PPFIBP1: variants seen among roughly 807,000 people sequenced by gnomAD.
The protein encoded by PPFIBP1 is liprin-beta-1.
Under a neutral mutation model 137.8 loss-of-function variants are expected in PPFIBP1, and 112 were observed. That is an observed-to-expected ratio of 0.81 (90% CI 0.70 to 0.95). The LOEUF is 0.95. Among genes scored for constraint, PPFIBP1 ranks in the 40% least tolerant of loss-of-function variants. PPFIBP1 has a pLI of 0.00. For missense variants in PPFIBP1, 1,083 were observed against 1,196.6 expected (o/e 0.91, Z 1.40); for synonymous variants, 378 against 417.3 (o/e 0.91, Z 1.15).
rs751994072 is a variant in PPFIBP1 at position 27,646,085 on chromosome 12, C to T, written c.294C>T (p.Asn98=). ...SQMTNGHLPG[N]GDVYQERLAR... ...AGACAAATGGACACCTACCAGGGAA[C>T]GGAGATGTGTATCAAGAAAGGCTGG... Residue 98 remains asparagine, a synonymous_variant, in exon 5 of 30, where the codon AAC becomes AAT. Coordinates refer to ENST00000228425, the MANE Select transcript of PPFIBP1 (RefSeq NM_003622.4). The T allele has an allele frequency of 1.2e-4, 201 of 1,610,146 alleles. 2 individuals carry two copies. In the South Asian group the frequency reaches 1.4e-3, roughly 11 times the overall value.
chr12:27,630,152 C>T (rs1419723176), intron 2 of PPFIBP1, among the ~76,000 whole-genome samples: 1 of 151,790 alleles, frequency 6.6e-6, no homozygotes, highest in African/African-American at 2.4e-5. Context: ...ATAGATGGGA[C>T]AAACAGAAAA....
intron 20 of PPFIBP1, 27 bp from the exon 21 acceptor site, chr12:27,679,906 A>G: frequency 6.2e-7 from 1 of 1,613,738 alleles, no homozygotes; most frequent in African/African-American, 1.3e-5. Context: ...CAGGTCTAAT[A>G]CTGGCCATGT....
chr12:27,635,151 C>T (rs2057559665), intron 4 of PPFIBP1, 36 bp downstream of exon 4: 1 of 1,605,094 alleles, frequency 6.2e-7, no homozygotes. Flanking sequence ...GTTATAAATC[C>T]TTTGTTGCTT....
chr12:27,646,622 A>T (rs1282512150), intron 5 of PPFIBP1, among the ~76,000 whole-genome samples: 1 of 152,164 alleles, frequency 6.6e-6, no homozygotes, highest in Non-Finnish European at 1.5e-5. Context: ...GAATATATGT[A>T]AGTTTATATT....
intron 1 of PPFIBP1, among the ~76,000 whole-genome samples, chr12:27,556,609 G>A (rs2048722661): frequency 6.6e-6 from 1 of 152,178 alleles, no homozygotes; most frequent in African/African-American, 2.4e-5. Context: ...GAGGGAACAG[G>A]AAATTTCCAT....
At chr12:27,587,122 G>A (rs973380688) in intron 2 of PPFIBP1, among the ~76,000 whole-genome samples, 10 of 152,140 alleles carry the variant, frequency 6.6e-5, no homozygotes, top group African/African-American at 2.4e-4. Flanking sequence ...CCTTTTTACA[G>A]TTAGGACTTG....
In PPFIBP1 at chr12:27,594,164, C is replaced by T. The variant is rs532712928; in HGVS notation, c.-36+15925C>T. On this transcript the variant is annotated intron_variant, in intron 2 of 29. Transcript: ENST00000228425. ...GTACTTAAGCAAAAACATTATCCATCCCCTTTTCTATTTTTTTTTTTTTTT... is the reference window on the plus strand; with the variant it reads ...GTACTTAAGCAAAAACATTATCCATTCCCTTTTCTATTTTTTTTTTTTTTT... The T allele has an allele frequency of 1.5e-4, 61 of 416,494 alleles. 1 individual carries two copies. The East Asian group carries it at 1.6e-3, about 11-fold the overall frequency. The allele number at this position is 416,494 out of a possible 1,614,324, so 25.8% of individuals were successfully genotyped here.
intron 2 of PPFIBP1, among the ~76,000 whole-genome samples, chr12:27,587,170 C>A (rs545239417): frequency 6.6e-6 from 1 of 152,238 alleles, no homozygotes; most frequent in East Asian, 1.9e-4. Context: ...ACTGAAAATT[C>A]TTTGCAGCCA....
Position 27,692,645 on chromosome 12 carries a change from A to C in PPFIBP1, c.2920A>C (p.Asn974His). The change falls in exon 29 of 30, where the codon AAC becomes CAC. Residue 974 changes from asparagine to histidine, a missense_variant. Asn to His is a moderately conservative substitution (Grantham distance 68). Coordinates refer to ENST00000228425, the MANE Select transcript of PPFIBP1 (RefSeq NM_003622.4). ...GATAGGTGCATTCTCTGAAGGCATC[A>C]ACAATCTGACGGTGAGTTTGTGAAA... is the stretch of plus-strand genomic sequence containing the variant. ...RQIGAFSEGINNLTHMLKEDD... is the reference protein window; with the variant it reads ...RQIGAFSEGIHNLTHMLKEDD... The C allele has an allele frequency of 6.2e-7, 1 of 1,614,188 alleles. No homozygotes were observed. The highest frequency in any genetic ancestry group is 8.5e-7 in the Non-Finnish European group (1 of 1,179,986).
intron 13 of PPFIBP1, among the ~76,000 whole-genome samples, chr12:27,668,114 C>A (rs935783484): frequency 6.6e-6 from 1 of 152,098 alleles, no homozygotes; most frequent in Non-Finnish European, 1.5e-5. Flanking sequence ...CTGGCTACAC[C>A]GCTTTACATC....
chr12:27,614,802 A>G (rs2055567532), intron 2 of PPFIBP1, among the ~76,000 whole-genome samples: 1 of 152,244 alleles, frequency 6.6e-6, no homozygotes, highest in African/African-American at 2.4e-5. Context: ...TATAACCGGA[A>G]TCAAAGATTC....
chr12:27,536,408 C>A (rs1351425328), intron 1 of PPFIBP1, among the ~76,000 whole-genome samples: 4 of 152,290 alleles, frequency 2.6e-5, no homozygotes, highest in Admixed American at 6.5e-5. Flanking sequence ...TCTGGCGAGG[C>A]CCCCAGGAAG....
rs561054265 is a variant in PPFIBP1 at position 27,563,743 on chromosome 12, T to A, written c.-123-14409T>A. Among the ~76,000 whole-genome samples, 10 of 152,224 alleles carry A rather than the reference T, an allele frequency of 6.6e-5. No homozygotes were observed. The East Asian group carries it at 1.9e-3, about 29-fold the overall frequency. ...TCTTTCCCCAGGCTGTCAGTCAGAG[T>A]TATTCCCTGCATTTAATATGTCATT... On this transcript the variant is annotated intron_variant, in intron 1 of 29. Coordinates refer to ENST00000228425, the MANE Select transcript of PPFIBP1 (RefSeq NM_003622.4).
intron 2 of PPFIBP1, among the ~76,000 whole-genome samples, chr12:27,598,216 G>GA (rs542917573): frequency 6.6e-6 from 1 of 151,978 alleles, no homozygotes; most frequent in Non-Finnish European, 1.5e-5. Flanking sequence ...AATGAATAAA[G>GA]AAAAAAAAGT....
At chr12:27,661,073 G>C (rs1401476779) in intron 11 of PPFIBP1, 128 bp downstream of exon 11, 1 of 1,361,712 alleles carries the variant, frequency 7.3e-7, no homozygotes, top group Admixed American at 2.5e-5. Context: ...TGAGGGGCAG[G>C]TGTGCACACT....
chr12:27,589,690 T>C (rs2052244041), intron 2 of PPFIBP1, among the ~76,000 whole-genome samples: 1 of 152,212 alleles, frequency 6.6e-6, no homozygotes, highest in Non-Finnish European at 1.5e-5. Flanking sequence ...GAACAGTGCA[T>C]CTTATTCAGT....
At chr12:27,635,407 G>T (rs1174025654) in intron 4 of PPFIBP1, 10 of 547,802 alleles carry the variant, frequency 1.8e-5, no homozygotes, top group Non-Finnish European at 2.9e-5. Flanking sequence ...AAATAGTCCT[G>T]TAAGGGAAAG....
intron 24 of PPFIBP1, among the ~76,000 whole-genome samples, chr12:27,683,606 C>T (rs2061012109): frequency 6.6e-6 from 1 of 152,168 alleles, no homozygotes; most frequent in African/African-American, 2.4e-5. Flanking sequence ...GAAGGCTAGA[C>T]TTCTACTCTG....
At chr12:27,604,443 T>C (rs2054303449) in intron 2 of PPFIBP1, among the ~76,000 whole-genome samples, 1 of 152,188 alleles carries the variant, frequency 6.6e-6, no homozygotes, top group Non-Finnish European at 1.5e-5. Context: ...GGCATCTCTT[T>C]GGCTATTCTC....
Sources: allele counts gnomAD v4.1 joint callset (sites outside exome capture counted in the v4.1 genomes callset), GRCh38; gene constraint gnomAD v4.1.1; transcripts MANE v1.5; gene names NCBI Gene and HGNC (gene_info 2026-07-23, HGNC 2026-07-21).